Variants in ADGRD1 observed in about 807,000 individuals in gnomAD.
The protein encoded by ADGRD1 is adhesion G protein-coupled receptor D1.
In ADGRD1, 77 loss-of-function variants were observed where a neutral mutation model predicts 113.4. That is an observed-to-expected ratio of 0.68 (90% confidence interval 0.57 to 0.82). The LOEUF (loss-of-function observed/expected upper bound fraction) is 0.82. ADGRD1 is among the 40% of genes least tolerant of loss of function. The pLI, the probability that ADGRD1 is intolerant of heterozygous loss-of-function variation, is 0.00. For missense variants in ADGRD1, 1,036 were observed against 1,139.1 expected (o/e 0.91, Z 1.30); for synonymous variants, 474 against 475.0 (o/e 1.00, Z 0.03).
intron 21 of ADGRD1, 51 bp from the exon 22 acceptor site, chr12:131,135,986 C>T (rs1435395618): frequency 6.2e-7 from 1 of 1,606,752 alleles, no homozygotes; most frequent in African/African-American, 1.3e-5. Context: ...GTCCTCACAG[C>T]CTGCACCTGC....
intron 13 of ADGRD1, among the ~76,000 whole-genome samples, chr12:131,045,988 C>G (rs1256069424): frequency 6.6e-6 from 1 of 150,784 alleles, no homozygotes. Flanking sequence ...GGAGTGCTCC[C>G]TCCTTGCTCA....
In ADGRD1 at chr12:131,131,602, T is replaced by A. The variant is rs960918104; in HGVS notation, c.2176-123T>A. 4.5e-6 allele frequency: 3 copies of A among 664,270 alleles called. No homozygotes were observed. The African/African-American group carries it at 5.6e-5, about 12-fold the overall frequency. 41.1% of individuals were successfully genotyped at this position (664,270 alleles called of 1,614,324 possible). ...GTGAGATTTGTCCCAGTGATGCCCC[T>A]GTGTCCCAGGAGCCCTGGCTGGGCA... On this transcript the variant is annotated intron_variant, in intron 20 of 24. Transcript: ENST00000261654.
chr12:131,096,839 C>G lies in ADGRD1; in HGVS notation c.1672-7992C>G, dbSNP rs900488534. ...GTCATGTTGAGTCCTGGGTTCTGCTCTGAGATCCACCTGCCTCCTGCTGCC... is the reference window on the plus strand; with the variant it reads ...GTCATGTTGAGTCCTGGGTTCTGCTGTGAGATCCACCTGCCTCCTGCTGCC... On this transcript the variant is annotated intron_variant, in intron 15 of 24. Coordinates refer to ENST00000261654, the MANE Select transcript of ADGRD1 (RefSeq NM_198827.5). This position sits in a 1 kb window ranked among gnomAD's most constrained non-coding sequence, Gnocchi z 5.2. Among the ~76,000 whole-genome samples, 14 of 152,222 alleles carry G rather than the reference C, an allele frequency of 9.2e-5. No individual in the cohort carries two copies. Among genetic ancestry groups the G allele is most frequent in the Non-Finnish European group, 5.9e-5 (4 of 68,036 alleles).
intron 12 of ADGRD1, among the ~76,000 whole-genome samples, chr12:131,013,957 G>A (rs1016480422): frequency 6.6e-6 from 1 of 152,204 alleles, no homozygotes; most frequent in Admixed American, 6.5e-5. Context: ...ACGAGAGCAG[G>A]TATTGAAGAT....
In ADGRD1 at chr12:131,041,555, A is replaced by T. The variant is rs1296275355; in HGVS notation, c.1473+27215A>T. ...CGGAGACTGTGGTGGCCAGGACAGC[A>T]TGTATTCAGAATCAAAGAAACAGGA... On this transcript the variant is annotated intron_variant, in intron 13 of 24. Coordinates refer to ENST00000261654, the MANE Select transcript of ADGRD1 (RefSeq NM_198827.5). This position sits in a 1 kb window ranked among gnomAD's most constrained non-coding sequence, Gnocchi z 4.4. Among the ~76,000 whole-genome samples, 1 of 152,186 alleles carries T rather than the reference A, an allele frequency of 6.6e-6. No individual in the cohort carries two copies. Among genetic ancestry groups the T allele is most frequent in the East Asian group, 1.9e-4 (1 of 5,200 alleles).
intron 13 of ADGRD1, among the ~76,000 whole-genome samples, chr12:131,056,537 A>G (rs1883875981): frequency 1.3e-5 from 2 of 152,234 alleles, no homozygotes; most frequent in Non-Finnish European, 2.9e-5. Context: ...TCTTCCTCTG[A>G]TACTGTGCTA....
At chr12:131,038,542 C>T (rs1437348587) in intron 13 of ADGRD1, among the ~76,000 whole-genome samples, 1 of 152,252 alleles carries the variant, frequency 6.6e-6, no homozygotes, top group African/African-American at 2.4e-5. Flanking sequence ...GCCGATACTA[C>T]AGTCGGGGGG....
At chr12:131,094,587 C>G (rs1008069632) in intron 15 of ADGRD1, among the ~76,000 whole-genome samples, 5 of 152,080 alleles carry the variant, frequency 3.3e-5, no homozygotes, top group Admixed American at 1.3e-4. Context: ...GCAGCGCCCC[C>G]CCGACTCCCC....
Position 131,050,374 on chromosome 12 carries a change from G to A in ADGRD1, c.1474-26427G>A, listed in dbSNP as rs1566065817. Among the ~76,000 whole-genome samples the A allele has an allele frequency of 1.3e-5, 2 of 152,104 alleles. No individual in the cohort carries two copies. Among genetic ancestry groups the A allele is most frequent in the Non-Finnish European group, 2.9e-5 (2 of 68,040 alleles). Reference sequence around the variant, plus strand: ...TCTAGCCCAAATTTCCCAAGATCACGAGCCACTCGTGTGTTGCCCTGTGTG... The same window carrying A: ...TCTAGCCCAAATTTCCCAAGATCACAAGCCACTCGTGTGTTGCCCTGTGTG... On this transcript the variant is annotated intron_variant, in intron 13 of 24. Coordinates refer to ENST00000261654, the MANE Select transcript of ADGRD1 (RefSeq NM_198827.5). The surrounding 1 kb of genome is among the most constrained non-coding windows in gnomAD (Gnocchi z 4.8).
chr12:130,997,059 G>T (rs1235472401), intron 8 of ADGRD1, among the ~76,000 whole-genome samples: 2 of 123,240 alleles, frequency 1.6e-5, no homozygotes, highest in Admixed American at 7.7e-5. Context: ...AGGCAGAGGG[G>T]CTCCTCACTT....
intron 8 of ADGRD1, among the ~76,000 whole-genome samples, chr12:130,998,241 A>C (rs1454287008): frequency 6.6e-6 from 1 of 151,964 alleles, no homozygotes; most frequent in Non-Finnish European, 1.5e-5. Flanking sequence ...ATCTTAAATG[A>C]AATTATGTGC....
chr12:131,134,936 C>T (rs1951038053), intron 21 of ADGRD1, among the ~76,000 whole-genome samples: 1 of 152,268 alleles, frequency 6.6e-6, no homozygotes. Flanking sequence ...GGGAGACAAT[C>T]TCAGTCACTG....
chr12:130,987,837 A>G (rs1339725152), intron 6 of ADGRD1: 2 of 179,866 alleles, frequency 1.1e-5, no homozygotes, highest in African/African-American at 2.4e-5. Flanking sequence ...GTCATTTTTA[A>G]AAACTGAGGT....
intron 3 of ADGRD1, chr12:130,969,508 G>A (rs1871372361): frequency 1.2e-5 from 2 of 165,372 alleles, no homozygotes; most frequent in South Asian, 3.3e-4. Flanking sequence ...GAGGGATCTA[G>A]GTTGCATGCT....
At position 131,139,189 on chromosome 12, in the gene ADGRD1, A is replaced by C; in HGVS notation, c.2551A>C (p.Met851Leu). The C allele has an allele frequency of 6.2e-7, 1 of 1,613,128 alleles. No homozygotes were observed. Among genetic ancestry groups the C allele is most frequent in the Non-Finnish European group, 8.5e-7 (1 of 1,179,864 alleles). The part of the protein sequence containing the change: ...SDLMNGTRPG[M>L]ASTKLSPWDK... ...GCAGATGAATGGGACCCGGCCAGGC[A>C]TGGCCTCCACCAAGCTCAGCCCTTG... The change falls in exon 25 of 25, where the codon ATG becomes CTG. Residue 851 changes from methionine (M) to leucine (L), a missense_variant. Physicochemically the swap from Met to Leu is conservative, Grantham distance 15. Coordinates refer to ENST00000261654, the MANE Select transcript of ADGRD1 (RefSeq NM_198827.5).
At chr12:131,137,080 G>A (rs1951105898) in intron 23 of ADGRD1, 66 bp downstream of exon 23, 1 of 1,286,168 alleles carries the variant, frequency 7.8e-7, no homozygotes, top group Non-Finnish European at 1.1e-6. Flanking sequence ...AAGGTCACAG[G>A]AGCAGGAACA....
intron 15 of ADGRD1, among the ~76,000 whole-genome samples, chr12:131,087,789 G>A (rs1251300891): frequency 6.6e-6 from 1 of 152,218 alleles, no homozygotes; most frequent in African/African-American, 2.4e-5. Context: ...CAGCCTCCAT[G>A]TGGAGGTGGG....
At position 131,061,290 on chromosome 12, in the gene ADGRD1, G is replaced by A. The variant is rs190685655; in HGVS notation, c.1474-15511G>A. 7.2e-5 allele frequency among the ~76,000 whole-genome samples: 11 copies of A among 152,244 alleles called. No individual in the cohort carries two copies. The East Asian group carries it at 1.7e-3, about 24-fold the overall frequency. On this transcript the variant is annotated intron_variant, in intron 13 of 24. Coordinates refer to ENST00000261654, the MANE Select transcript of ADGRD1 (RefSeq NM_198827.5). ...CCATCTGACCTGGCTTCGTGAGAACGTTAGTCATGGGTCCTCTTGGGATCA... is the reference window on the plus strand; with the variant it reads ...CCATCTGACCTGGCTTCGTGAGAACATTAGTCATGGGTCCTCTTGGGATCA...
At chr12:131,079,898 A>G (rs1313000777) in intron 14 of ADGRD1, among the ~76,000 whole-genome samples, 2 of 151,788 alleles carry the variant, frequency 1.3e-5, no homozygotes, top group Non-Finnish European at 2.9e-5. Flanking sequence ...TATTAATTTT[A>G]TTGATATTTT....
Sources: gnomAD v4.1 joint callset for allele counts (sites outside exome capture counted in the v4.1 genomes callset) on GRCh38, gnomAD v4.1.1 for gene constraint, Gnocchi (gnomAD v3.1) non-coding constraint, MANE v1.5 for transcripts, NCBI Gene and HGNC (gene_info 2026-07-23, HGNC 2026-07-21) for gene names.